MINAR1: variants seen among roughly 807,000 people sequenced by gnomAD.
The protein encoded by MINAR1 is major intrinsically disordered Notch2-binding receptor 1.
Under a neutral mutation model 65.1 loss-of-function variants are expected in MINAR1, and 40 were observed. That is an observed-to-expected ratio of 0.61 (90% CI 0.48 to 0.80). The LOEUF (loss-of-function observed/expected upper bound fraction) is 0.80. Ranked by LOEUF, MINAR1 falls within the 30% of genes least tolerant of loss-of-function variation. The pLI, the probability that MINAR1 is intolerant of heterozygous loss-of-function variation, is 0.00. For missense variants in MINAR1, 1,128 were observed against 1,148.0 expected (o/e 0.98, Z 0.25); for synonymous variants, 482 against 449.1 (o/e 1.07, Z -0.93).
rs977348268 is a variant in MINAR1, at chr15:79,458,096, C to T, written c.1949C>T (p.Thr650Ile). The T allele has an allele frequency of 6.2e-7, 1 of 1,614,200 alleles. No individual in the cohort carries two copies. Among genetic ancestry groups the T allele is most frequent in the Admixed American group, 1.7e-5 (1 of 60,036 alleles). Reference protein sequence around the residue: ...VSVQIDLNSLTSEGPSDDSAS... With the variant: ...VSVQIDLNSLISEGPSDDSAS... ...GTGCAGATAGATCTGAACTCCTTGA[C>T]AAGCGAGGGTCCGTCTGATGACAGT... Residue 650 changes from threonine to isoleucine, a missense_variant, in exon 2 of 4, where the codon ACA becomes ATA. By Grantham distance (89) the Thr-to-Ile change is moderately conservative. Coordinates refer to ENST00000305428, the MANE Select transcript of MINAR1 (RefSeq NM_015206.3).
At chr15:79,425,994 A>AAG in the MINAR1 span, 3 of 152,230 alleles carry the variant, frequency 2.0e-5, no homozygotes, top group African/African-American at 4.8e-5. Context: ...GATCATTTCC[A>AAG]AGAGTCAAAA....
Position 79,457,132 on chromosome 15 carries a change from G to T in MINAR1, c.985G>T (p.Glu329Ter). ...TCCTGACAAAAGGCGAGCAAAGCAC[G>T]AAAGCTTAGATGACCTTCAAGCCTC... ...PVPDKRRAKH[E>*]SLDDLQASTY... The change falls in exon 2 of 4, where the codon GAA (glutamate) becomes TAA (stop). Residue 329 changes from glutamate to a stop codon, truncating the protein, a stop_gained. Transcript: ENST00000305428. LOFTEE classifies it high-confidence loss of function. The T allele has an allele frequency of 6.2e-7, 1 of 1,614,114 alleles. No homozygotes were observed.
In MINAR1 at chr15:79,463,617, C is replaced by T. The variant is rs1265423301; in HGVS notation, c.2553+296C>T. On this transcript the variant is annotated intron_variant, in intron 3 of 3. Coordinates refer to ENST00000305428, the MANE Select transcript of MINAR1 (RefSeq NM_015206.3). ...TGCATTTACGACTCTGTACCAAGTG[C>T]AGATTCTAATATTTGCTCACAAGAC... 3 of 601,002 alleles carry T rather than the reference C, an allele frequency of 5.0e-6. No individual in the cohort carries two copies. The East Asian group carries it at 1.1e-4, about 22-fold the overall frequency. The allele number at this position is 601,002 out of a possible 1,614,324, so 37.2% of individuals were successfully genotyped here. A position where few individuals can be genotyped will look rare whatever the true frequency, so the allele number is the denominator to read the frequency against.
At chr15:79,441,242 A>G (rs1375366918) in intron 1 of MINAR1, among the ~76,000 whole-genome samples, 1 of 152,160 alleles carries the variant, frequency 6.6e-6, no homozygotes, top group Non-Finnish European at 1.5e-5. Flanking sequence ...AGAGAAAACC[A>G]CCCAGAGACA....
At chr15:79,411,767 G>A in the MINAR1 span, 202 of 419,182 alleles carry the variant, frequency 4.8e-4, no homozygotes, top group East Asian at 7.5e-3. Context: ...AGTGGTAGGG[G>A]CAGCACTTCA....
At chr15:79,414,700 C>T in the MINAR1 span, 1 of 152,110 alleles carries the variant, frequency 6.6e-6, no homozygotes. Flanking sequence ...GGAACAGTCA[C>T]CTGAATTTCA....
intron 1 of MINAR1, among the ~76,000 whole-genome samples, chr15:79,440,898 A>G (rs1216346820): frequency 6.6e-6 from 1 of 152,182 alleles, no homozygotes; most frequent in East Asian, 1.9e-4. Context: ...CCACTAGATT[A>G]TAAGCTCATG....
chr15:79,465,159 T>C (rs1331501473), intron 3 of MINAR1, among the ~76,000 whole-genome samples: 1 of 152,216 alleles, frequency 6.6e-6, no homozygotes, highest in Non-Finnish European at 1.5e-5. Context: ...GAGTATCCAG[T>C]TGCATAAAAT....
intron 1 of MINAR1, among the ~76,000 whole-genome samples, chr15:79,437,429 TAGTG>T (rs1567048907): frequency 1.1e-4 from 13 of 119,086 alleles, no homozygotes; most frequent in African/African-American, 2.9e-4. Flanking sequence ...AGTGGGTGGG[TAGTG>T]AGTGAGTGTG....
At chr15:79,437,914 AGT>A (rs1393825915) in intron 1 of MINAR1, among the ~76,000 whole-genome samples, 1 of 7,454 alleles carries the variant, frequency 1.3e-4, no homozygotes, top group Non-Finnish European at 2.6e-4. Context: ...GTGGGTAGTG[AGT>A]GTGTGGGGTG....
chr15:79,441,287 AGAGT>A (rs1894860902), intron 1 of MINAR1, among the ~76,000 whole-genome samples: 1 of 152,340 alleles, frequency 6.6e-6, no homozygotes, highest in South Asian at 2.1e-4. Context: ...ATATATACAA[AGAGT>A]GAGTGTCTGT....
At chr15:79,455,342 C>G (rs1478184899) in intron 1 of MINAR1, among the ~76,000 whole-genome samples, 1 of 151,952 alleles carries the variant, frequency 6.6e-6, no homozygotes. Context: ...ATTTTTTTCA[C>G]TCAATATTAT....
the MINAR1 span, chr15:79,416,359 C>T: frequency 6.6e-6 from 1 of 152,222 alleles, no homozygotes; most frequent in South Asian, 2.1e-4. Context: ...AAAGGAGGGG[C>T]TTGTTTGTGA....
the MINAR1 span, chr15:79,421,889 G>A: frequency 3.3e-4 from 44 of 133,494 alleles, no homozygotes; most frequent in African/African-American, 1.1e-3. Flanking sequence ...GGGTCGCCTG[G>A]TGGTGGGAAC....
At position 79,458,272 on chromosome 15, in the gene MINAR1, T is replaced by C; in HGVS notation, c.2125T>C (p.Ser709Pro). Residue 709 changes from serine (S) to proline (P), a missense_variant, in exon 2 of 4, where the codon TCT becomes CCT. Physicochemically the swap from Ser to Pro is moderately conservative, Grantham distance 74 (BLOSUM62 -1). Transcript: ENST00000305428. ...LKKSLFTRPSSRSLTEENSAT... is the reference protein window; with the variant it reads ...LKKSLFTRPSPRSLTEENSAT... Reference sequence around the variant, plus strand: ...AAAAAGCCTCTTCACCAGGCCATCCTCTAGGTCCCTAACAGAGGAGAACAG... The same window carrying C: ...AAAAAGCCTCTTCACCAGGCCATCCCCTAGGTCCCTAACAGAGGAGAACAG... The C allele has an allele frequency of 6.2e-7, 1 of 1,614,066 alleles. No individual in the cohort carries two copies. The highest frequency in any genetic ancestry group is 8.5e-7 in the Non-Finnish European group (1 of 1,180,020).
chr15:79,446,468 A>C (rs1290300101), intron 1 of MINAR1, among the ~76,000 whole-genome samples: 1 of 152,128 alleles, frequency 6.6e-6, no homozygotes, highest in African/African-American at 2.4e-5. Flanking sequence ...ATAATAGTTT[A>C]CATGGTAATA....
the MINAR1 span, chr15:79,423,168 CTATATG>C: frequency 6.6e-6 from 1 of 152,078 alleles, no homozygotes; most frequent in East Asian, 1.9e-4. Context: ...GCATGTGACT[CTATATG>C]TATCTCAAAA....
At chr15:79,466,436 T>A (rs1444787437) in intron 3 of MINAR1, among the ~76,000 whole-genome samples, 1 of 152,196 alleles carries the variant, frequency 6.6e-6, no homozygotes, top group Admixed American at 6.5e-5. Context: ...TGGAAACAAA[T>A]AGGAGTGGCT....
chr15:79,467,355 G>A (rs1895903950), intron 3 of MINAR1, among the ~76,000 whole-genome samples: 1 of 152,192 alleles, frequency 6.6e-6, no homozygotes, highest in Admixed American at 6.5e-5. Flanking sequence ...GCTTTTATGT[G>A]ACACTCATAT....
Sources: allele counts gnomAD v4.1 joint callset (sites outside exome capture counted in the v4.1 genomes callset), GRCh38; gene constraint gnomAD v4.1.1; transcripts MANE v1.5; gene names NCBI Gene and HGNC (gene_info 2026-07-23, HGNC 2026-07-21).